TTC8: variants seen among roughly 807,000 people sequenced by gnomAD.
TTC8 encodes the protein tetratricopeptide repeat domain 8.
TTC8 carries 47 observed loss-of-function variants against 72.5 expected under a neutral mutation model. The ratio of observed to expected loss-of-function variants is 0.65; its 90% CI spans 0.51 to 0.83. TTC8 has a LOEUF of 0.83. Ranked by LOEUF, TTC8 falls within the 40% of genes least tolerant of loss-of-function variation. The pLI is 0.00. For missense variants in TTC8, 611 were observed against 623.2 expected (o/e 0.98, Z 0.21); for synonymous variants, 199 against 221.4 (o/e 0.90, Z 0.90).
At chr14:88,869,889 T>C (rs75189103) in intron 10 of TTC8, among the ~76,000 whole-genome samples, 170 bp from the exon 11 acceptor site, 9,275 of 152,278 alleles carry the variant, frequency 0.061, 412 homozygotes, top group Non-Finnish European at 0.092. Context: ...CTGAGGACAG[T>C]GACTTTCTCT....
At chr14:88,857,114 C>T (rs764323378) in intron 8 of TTC8, 76 bp from the exon 9 acceptor site, 79 of 1,251,058 alleles carry the variant, frequency 6.3e-5, no homozygotes, top group Non-Finnish European at 8.0e-5. Context: ...TATAATTTGT[C>T]TCTATTCATC....
intron 9 of TTC8, among the ~76,000 whole-genome samples, chr14:88,859,047 C>T (rs1243843215): frequency 6.6e-6 from 1 of 151,956 alleles, no homozygotes; most frequent in East Asian, 1.9e-4. Context: ...TTATTTAACT[C>T]TTGTTAAATA....
chr14:88,839,027 G>T (rs1011486518), intron 2 of TTC8, among the ~76,000 whole-genome samples: 3 of 152,176 alleles, frequency 2.0e-5, no homozygotes, highest in African/African-American at 7.2e-5. Flanking sequence ...AAAGACAAGA[G>T]TGTGTAATAG....
chr14:88,826,621 G>A (rs1199718793), intron 1 of TTC8, among the ~76,000 whole-genome samples: 4 of 152,064 alleles, frequency 2.6e-5, no homozygotes, highest in Non-Finnish European at 5.9e-5. Context: ...GGAGAATGGC[G>A]TGAACCCGGA....
chr14:88,880,452 A>G (rs1039245368), downstream of TTC8: 1 of 152,226 alleles, frequency 6.6e-6, no homozygotes, highest in South Asian at 2.1e-4. Context: ...TTGCAATGTG[A>G]TCCTTTTCTT....
chr14:88,834,225 G>T (rs890321169), intron 2 of TTC8, among the ~76,000 whole-genome samples: 10 of 152,154 alleles, frequency 6.6e-5, no homozygotes, highest in Admixed American at 1.3e-4. Flanking sequence ...GTCACATCGA[G>T]CAAATCAGTT....
chr14:88,877,207 C>A, intron 14 of TTC8, 87 bp from the exon 15 acceptor site: 1 of 929,936 alleles, frequency 1.1e-6, no homozygotes, highest in Non-Finnish European at 1.7e-6. Flanking sequence ...CTACAGCATG[C>A]AGATACTATG....
chr14:88,871,713 A>G lies in TTC8; in HGVS notation c.1214A>G (p.His405Arg). 1 of 1,614,114 alleles carries G rather than the reference A, an allele frequency of 6.2e-7. No homozygotes were observed. Among genetic ancestry groups the G allele is most frequent in the Non-Finnish European group, 8.5e-7 (1 of 1,179,982 alleles). The stretch of plus-strand genomic sequence containing the variant: ...GCTGATGTCTGGTACAACTTGGGAC[A>G]TGTAGCTGTGGTATGTTGTCTTACT... The part of the protein sequence containing the change: ...EAADVWYNLG[H>R]VAVGIGDTNL... The change falls in exon 12 of 15, where the codon CAT (histidine) becomes CGT (arginine). Residue 405 changes from histidine (H) to arginine (R), a missense_variant. Transcript: ENST00000380656. This position sits in a 1 kb window ranked among gnomAD's most constrained non-coding sequence, Gnocchi z 4.1.
intron 10 of TTC8, among the ~76,000 whole-genome samples, chr14:88,865,998 A>G (rs991106098): frequency 2.3e-4 from 35 of 152,116 alleles, no homozygotes; most frequent in Non-Finnish European, 7.4e-5. Flanking sequence ...GTTTAAAAAT[A>G]GAGCTGGATG....
At chr14:88,824,299 A>T (rs1277549996), upstream of TTC8, 1 of 184,368 alleles carries the variant, frequency 5.4e-6, no homozygotes, top group Non-Finnish European at 1.1e-5. Context: ...TGGAAGAAGT[A>T]GGACAGACAC....
intron 12 of TTC8, 49 bp from the exon 13 acceptor site, chr14:88,872,281 G>A: frequency 6.2e-7 from 1 of 1,611,262 alleles, no homozygotes; most frequent in South Asian, 1.1e-5. Context: ...AAAGAAGGGA[G>A]GAGGAAGTAA....
At chr14:88,849,499 G>A (rs950143609) in intron 7 of TTC8, among the ~76,000 whole-genome samples, 2 of 152,040 alleles carry the variant, frequency 1.3e-5, no homozygotes, top group Non-Finnish European at 2.9e-5. Context: ...TTTAAATAAA[G>A]TATTTAACAC....
At chr14:88,824,875 T>G in intron 1 of TTC8, 54 bp downstream of exon 1, 178 of 1,497,836 alleles carry the variant, frequency 1.2e-4, no homozygotes, top group Non-Finnish European at 1.5e-4. Context: ...CTGCGGGGTC[T>G]GGGGCATATC....
intron 10 of TTC8, among the ~76,000 whole-genome samples, chr14:88,864,480 C>T (rs1444159361): frequency 6.6e-6 from 1 of 152,208 alleles, no homozygotes; most frequent in African/African-American, 2.4e-5. Flanking sequence ...AGCTAGAGAA[C>T]TATCACATCT....
chr14:88,836,691 A>T (rs887849909), intron 2 of TTC8, among the ~76,000 whole-genome samples: 2 of 152,176 alleles, frequency 1.3e-5, no homozygotes, highest in Non-Finnish European at 2.9e-5. Context: ...TAACAGTATG[A>T]ATTTGAAAAT....
chr14:88,868,019 A>G (rs879536948), intron 10 of TTC8, among the ~76,000 whole-genome samples: 7 of 152,220 alleles, frequency 4.6e-5, no homozygotes, highest in Non-Finnish European at 1.0e-4. Flanking sequence ...TTGAGAACCA[A>G]CTGAGAGAGA....
At chr14:88,863,674 C>T (rs2094898031) in intron 10 of TTC8, among the ~76,000 whole-genome samples, 1 of 152,176 alleles carries the variant, frequency 6.6e-6, no homozygotes, top group Admixed American at 6.6e-5. Flanking sequence ...AGATACAGGC[C>T]TTTCTAAGAA....
chr14:88,878,874 T>C (rs1254869032), downstream of TTC8: 1 of 152,220 alleles, frequency 6.6e-6, no homozygotes, highest in Non-Finnish European at 1.5e-5. Flanking sequence ...TATTCCATTT[T>C]ACTTATGAGA....
At chr14:88,841,356 G>A in intron 5 of TTC8, 69 bp from the exon 6 acceptor site, 2 of 1,599,408 alleles carry the variant, frequency 1.3e-6, no homozygotes, top group Non-Finnish European at 1.7e-6. Flanking sequence ...ATATTTTTAT[G>A]CATATTAAAC....
Sources: allele counts gnomAD v4.1 joint callset (sites outside exome capture counted in the v4.1 genomes callset), GRCh38; gene constraint gnomAD v4.1.1; non-coding constraint Gnocchi (gnomAD v3.1); transcripts MANE v1.5; gene names NCBI Gene and HGNC (gene_info 2026-07-23, HGNC 2026-07-21).